Variants in MAP7D1 observed in about 807,000 individuals in gnomAD.
MAP7D1 encodes MAP7 domain-containing protein 1.
MAP7D1 carries 30 observed loss-of-function variants against 97.5 expected under a neutral mutation model. The observed-to-expected ratio is 0.31, with a 90% CI of 0.23 to 0.42. MAP7D1 has a LOEUF of 0.42. MAP7D1 is among the 10% of genes least tolerant of loss of function. The pLI is 1.00. For missense variants in MAP7D1, 1,184 were observed against 1,179.5 expected, an observed-to-expected ratio of 1.00 and a Z score of -0.06; for synonymous variants, 536 against 477.1, an observed-to-expected ratio of 1.12 and a Z score of -1.61.
Position 36,170,986 on chromosome 1 carries a change from C to T in MAP7D1, c.62C>T (p.Thr21Ile), listed in dbSNP as rs145462639. Residue 21 changes from threonine to isoleucine, a missense_variant, in exon 2 of 17, where the codon ACC becomes ATC. By Grantham distance (89) the Thr-to-Ile change is moderately conservative. Coordinates refer to ENST00000474796, the MANE Select transcript of MAP7D1 (RefSeq NM_001388490.1). ...AGAPPAVVAR[T>I]PPEPRPSPEG... is the part of the protein sequence containing the mutation. ...GGTCTTTCAGCTGTGGTCGCCAGGA[C>T]CCCCCCAGAGCCAAGACCTTCTCCA... 100 of 1,377,846 alleles carry T rather than the reference C, an allele frequency of 7.3e-5. No individual in the cohort carries two copies. Among genetic ancestry groups the T allele is most frequent in the Admixed American group, 1.9e-4 (10 of 52,680 alleles). The allele number at this position is 1,377,846 out of a possible 1,614,324, so 85.4% of individuals were successfully genotyped here. A position where few individuals can be genotyped will look rare whatever the true frequency, so the allele number is the denominator to read the frequency against.
chr1:36,176,211 A>G lies in MAP7D1; in HGVS notation c.863A>G (p.Gln288Arg), dbSNP rs1404994553. Residue 288 changes from glutamine (Q) to arginine (R), a missense_variant, in exon 7 of 17, where the codon CAG becomes CGG. Gln to Arg is a conservative substitution (Grantham distance 43). Transcript: ENST00000474796. The surrounding 1 kb of genome is among the most constrained non-coding windows in gnomAD (Gnocchi z 6.1). ...CTTCTACCCCCAGATCGCAGCCTGC[A>G]GCTGAGCGCATGGGAGAGCAGCATC... Reference protein sequence around the residue: ...WNSPSRNRSLQLSAWESSIVD... With the variant: ...WNSPSRNRSLRLSAWESSIVD... The G allele has an allele frequency of 5.6e-6, 9 of 1,607,334 alleles. No individual in the cohort carries two copies. Among genetic ancestry groups the G allele is most frequent in the African/African-American group, 1.3e-5 (1 of 74,584 alleles).
At chr1:36,177,435 G>A in intron 8 of MAP7D1, 1 of 408,974 alleles carries the variant, frequency 2.4e-6, no homozygotes, top group Non-Finnish European at 4.8e-6. Flanking sequence ...GGGGAGGATT[G>A]CTTGAGCCCA....
chr1:36,158,267 G>C (rs1349091590), intron 1 of MAP7D1, among the ~76,000 whole-genome samples: 1 of 152,076 alleles, frequency 6.6e-6, no homozygotes, highest in Non-Finnish European at 1.5e-5. Flanking sequence ...TGAGAACCTG[G>C]ATCAGGATGG....
In MAP7D1 at chr1:36,178,514, C is replaced by A; in HGVS notation, c.1804C>A (p.Leu602Ile). The change falls in exon 10 of 17, where the codon CTC (leucine) becomes ATC (isoleucine). Residue 602 changes from leucine (L) to isoleucine (I), a missense_variant. Leu to Ile is a conservative substitution (Grantham distance 5). Coordinates refer to ENST00000474796, the MANE Select transcript of MAP7D1 (RefSeq NM_001388490.1). ...GTTDREEATR[L>I]LAEKRRQARE... ...CACAGACCGAGAAGAAGCCACTCGG[C>A]TCTTGGCTGAGAAGCGGCGCCAGGC... 6.2e-7 allele frequency: 1 copy of A among 1,609,588 alleles called. No homozygotes were observed. The highest frequency in any genetic ancestry group is 8.5e-7 in the Non-Finnish European group (1 of 1,178,312).
Position 36,179,348 on chromosome 1 carries a change from T to TG in MAP7D1, c.2184+39dup, listed in dbSNP as rs750523579. The TG allele has an allele frequency of 5.0e-6, 8 of 1,612,412 alleles. No individual in the cohort carries two copies. The South Asian group carries it at 8.8e-5, about 18-fold the overall frequency. The stretch of plus-strand genomic sequence containing the variant: ...TTCCCCCGAAGGGCAGTGCTGGGCG[T>TG]GGGGGGCAGGGTGTGAAAAGGAGGC... On this transcript the variant is annotated intron_variant, in intron 13 of 16. Coordinates refer to ENST00000474796, the MANE Select transcript of MAP7D1 (RefSeq NM_001388490.1).
At chr1:36,173,055 A>G (rs1289259036) in intron 4 of MAP7D1, among the ~76,000 whole-genome samples, 1 of 152,210 alleles carries the variant, frequency 6.6e-6, no homozygotes, top group Non-Finnish European at 1.5e-5. Flanking sequence ...CAGGACCCTC[A>G]GTGCCTGAGA....
At position 36,178,483 on chromosome 1, in the gene MAP7D1, C is replaced by G. The variant is rs749060887; in HGVS notation, c.1773C>G (p.Ala591=). ...APPVTPSKPM[A]GTTDREEATR... is the part of the protein sequence containing the mutation. ...CGGTGACCCCTAGCAAACCAATGGC[C>G]GGCACCACAGACCGAGAAGAAGCCA... is the stretch of plus-strand genomic sequence containing the variant. Residue 591 remains alanine (A), a synonymous_variant, in exon 10 of 17, where the codon GCC becomes GCG. Transcript: ENST00000474796. 1.2e-6 allele frequency: 2 copies of G among 1,611,342 alleles called. No homozygotes were observed. Among genetic ancestry groups the G allele is most frequent in the Non-Finnish European group, 1.7e-6 (2 of 1,179,310 alleles).
At position 36,156,221 on chromosome 1, in the gene MAP7D1, A is replaced by G. The variant is rs1354672585; in HGVS notation, c.-197A>G. The G allele has an allele frequency of 2.3e-6, 1 of 435,186 alleles. No individual in the cohort carries two copies. The highest frequency in any genetic ancestry group is 2.1e-5 in the African/African-American group (1 of 47,938). 27.0% of individuals were successfully genotyped at this position (435,186 alleles called of 1,614,324 possible). A position where few individuals can be genotyped will look rare whatever the true frequency, so the allele number is the denominator to read the frequency against. The stretch of plus-strand genomic sequence containing the variant: ...GGGAACGGGTTCGCGACCGCAGCCG[A>G]GAGACCCCGGGCGACCGGCACCTCC... On this transcript the variant is annotated 5_prime_UTR_variant, in exon 1 of 17. Transcript: ENST00000474796.
chr1:36,169,049 C>T (rs1644508122), intron 1 of MAP7D1, among the ~76,000 whole-genome samples: 1 of 150,436 alleles, frequency 6.6e-6, no homozygotes, highest in South Asian at 2.1e-4. Context: ...GTCGGGAGTT[C>T]GAGACCAGCC....
At chr1:36,179,645 G>A in intron 14 of MAP7D1, 21 bp from the exon 15 acceptor site, 1 of 1,540,404 alleles carries the variant, frequency 6.5e-7, no homozygotes, top group East Asian at 2.4e-5. Context: ...CTGGCTGATG[G>A]CCCCTCTTTC....
chr1:36,171,364 C>T (rs374670870), intron 2 of MAP7D1, 49 bp downstream of exon 2: 131 of 1,540,980 alleles, frequency 8.5e-5, no homozygotes, highest in African/African-American at 1.4e-4. Flanking sequence ...GCTCAGGGTC[C>T]TGGCCCTGGA....
In MAP7D1 at chr1:36,179,276, C is replaced by T; in HGVS notation, c.2145C>T (p.Ile715=). ...CCTCCAAACAGCGTCTGGAGGAGAT[C>T]ATGAAGAGGACTCGGAAGTCAGAAG... The part of the protein sequence containing the change: ...RQERRKRLEE[I]MKRTRKSEVS... The change falls in exon 13 of 17, where the codon ATC becomes ATT. Residue 715 remains isoleucine, a synonymous_variant. Transcript: ENST00000474796. 6.2e-7 allele frequency: 1 copy of T among 1,614,026 alleles called. No individual in the cohort carries two copies. Among genetic ancestry groups the T allele is most frequent in the Non-Finnish European group, 8.5e-7 (1 of 1,179,964 alleles).
chr1:36,177,569 T>C (rs1355362684), intron 8 of MAP7D1: 2 of 660,364 alleles, frequency 3.0e-6, no homozygotes, highest in Non-Finnish European at 5.7e-6. Flanking sequence ...TGAATGGACC[T>C]GTCAGGTAGC....
chr1:36,171,392 G>T, intron 2 of MAP7D1, 77 bp downstream of exon 2: 1 of 1,541,422 alleles, frequency 6.5e-7, no homozygotes, highest in Admixed American at 1.9e-5. Flanking sequence ...AACTGAAAGA[G>T]TCCTGTTTGC....
rs1239381321 is a variant in MAP7D1, at chr1:36,179,301, G to A, written c.2170G>A (p.Val724Ile). The change falls in exon 13 of 17, where the codon GTT becomes ATT. Residue 724 changes from valine to isoleucine, a missense_variant. Coordinates refer to ENST00000474796, the MANE Select transcript of MAP7D1 (RefSeq NM_001388490.1). ...EIMKRTRKSE[V>I]SETKKQDSKE... ...CATGAAGAGGACTCGGAAGTCAGAA[G>A]TTTCTGAAACCAAGGTCAGAATTCC... 1 of 1,614,106 alleles carries A rather than the reference G, an allele frequency of 6.2e-7. No homozygotes were observed. Among genetic ancestry groups the A allele is most frequent in the Non-Finnish European group, 8.5e-7 (1 of 1,179,992 alleles).
At chr1:36,175,404 G>A (rs542713294) in intron 6 of MAP7D1, among the ~76,000 whole-genome samples, 4 of 152,282 alleles carry the variant, frequency 2.6e-5, no homozygotes, top group Admixed American at 2.0e-4. Context: ...TGGGTGCTGT[G>A]GGGTGGAGGG....
At chr1:36,171,628 C>T in intron 3 of MAP7D1, 47 bp downstream of exon 3, 1 of 1,598,076 alleles carries the variant, frequency 6.3e-7, no homozygotes, top group Non-Finnish European at 8.6e-7. Context: ...TCATCATCAG[C>T]ATCCTATTAA....
At chr1:36,174,831 AGGCCTCGG>A in intron 5 of MAP7D1, 59 bp from the exon 6 acceptor site, 1 of 813,920 alleles carries the variant, frequency 1.2e-6, no homozygotes, top group Non-Finnish European at 2.0e-6. Context: ...CCTGCATGGA[AGGCCTCGG>A]TGCCCCCCAC....
In MAP7D1 at chr1:36,176,515, G is replaced by A; in HGVS notation, c.1167G>A (p.Gly389=). 7.3e-7 allele frequency: 1 copy of A among 1,378,798 alleles called. No individual in the cohort carries two copies. The allele number at this position is 1,378,798 out of a possible 1,614,324, so 85.4% of individuals were successfully genotyped here. ...GCTGCGCCCCCGCCGGTGAGCGCGG[G>A]GAGCGCCGCAAGCCCAACGCCGGGG... ...VHRCAPAGER[G]ERRKPNAGGS... The change falls in exon 7 of 17, where the codon GGG becomes GGA. Residue 389 remains glycine, a synonymous_variant. Transcript: ENST00000474796. This position sits in a 1 kb window ranked among gnomAD's most constrained non-coding sequence, Gnocchi z 6.1.
Sources: allele counts gnomAD v4.1 joint callset (sites outside exome capture counted in the v4.1 genomes callset), GRCh38; gene constraint gnomAD v4.1.1; non-coding constraint Gnocchi (gnomAD v3.1); transcripts MANE v1.5; gene names NCBI Gene and HGNC (gene_info 2026-07-23, HGNC 2026-07-21).